The following GRIA2 variants were observed in gnomAD, a reference collection of about 807,000 sequenced individuals.
The protein encoded by GRIA2 is glutamate ionotropic receptor AMPA type subunit 2.
GRIA2 carries 14 observed loss-of-function variants against 97.3 expected under a neutral mutation model. The observed-to-expected ratio is 0.14, with a 90% CI of 0.10 to 0.23. The LOEUF is 0.23. GRIA2 is among the 10% of genes least tolerant of loss of function. The pLI is 1.00. For synonymous variants in GRIA2, 412 were observed against 387.8 expected (o/e 1.06, Z -0.73); for missense variants, 558 against 1,069.8 (o/e 0.52, Z 6.67).
chr4:157,261,045 A>C (rs1314729228), intron 2 of GRIA2, among the ~76,000 whole-genome samples: 1 of 152,128 alleles, frequency 6.6e-6, no homozygotes, highest in African/African-American at 2.4e-5. Context: ...GTATTAGTCC[A>C]TTCTCATGCT....
chr4:157,297,163 T>G (rs1313120609), intron 2 of GRIA2, among the ~76,000 whole-genome samples: 1 of 152,090 alleles, frequency 6.6e-6, no homozygotes, highest in African/African-American at 2.4e-5. Flanking sequence ...AAGGACCATA[T>G]TAAGGCAATG....
At chr4:157,348,676 A>C (rs1735870955) in intron 12 of GRIA2, among the ~76,000 whole-genome samples, 1 of 152,166 alleles carries the variant, frequency 6.6e-6, no homozygotes, top group Non-Finnish European at 1.5e-5. Flanking sequence ...TGTTTTATAG[A>C]TTTTAAAATT....
chr4:157,319,603 A>G (rs1020191709), intron 5 of GRIA2, among the ~76,000 whole-genome samples: 2 of 152,156 alleles, frequency 1.3e-5, no homozygotes. Flanking sequence ...TTTGGAGGAC[A>G]CTTGGAAATT....
intron 2 of GRIA2, among the ~76,000 whole-genome samples, chr4:157,295,110 T>A (rs1171440531): frequency 6.6e-6 from 1 of 152,142 alleles, no homozygotes; most frequent in Non-Finnish European, 1.5e-5. Flanking sequence ...AGATAATGAA[T>A]GAAGCCAGAA....
chr4:157,363,026 C>A lies in GRIA2; in HGVS notation c.2634C>A (p.Ile878=), dbSNP rs1736704814. The part of the protein sequence containing the change: ...TYKEGYNVYG[I]ESVKI The stretch of plus-strand genomic sequence containing the variant: ...AGGAAGGTTACAACGTATATGGCAT[C>A]GAAAGTGTTAAAATTTAGGGGGTAG... Residue 878 remains isoleucine (I), a synonymous_variant, in exon 15 of 16, where the codon ATC becomes ATA. Coordinates refer to ENST00000264426, the MANE Select transcript of GRIA2 (RefSeq NM_001083619.3). The A allele has an allele frequency of 6.2e-7, 1 of 1,611,500 alleles. No individual in the cohort carries two copies. The highest frequency in any genetic ancestry group is 8.5e-7 in the Non-Finnish European group (1 of 1,178,398).
intron 11 of GRIA2, 149 bp from the exon 12 acceptor site, chr4:157,341,115 T>A: frequency 1.6e-6 from 1 of 621,488 alleles, no homozygotes; most frequent in Non-Finnish European, 2.9e-6. Context: ...AAATGTTTAA[T>A]GATTTCCAGT....
intron 14 of GRIA2, 25 bp from the exon 15 acceptor site, chr4:157,362,774 A>G (rs1736690984): frequency 6.3e-7 from 1 of 1,593,388 alleles, no homozygotes; most frequent in Non-Finnish European, 8.5e-7. Context: ...CTTCCTAATA[A>G]CCTCTTCTCA....
At chr4:157,282,381 A>G (rs1050810320) in intron 2 of GRIA2, among the ~76,000 whole-genome samples, 1 of 151,948 alleles carries the variant, frequency 6.6e-6, no homozygotes, top group African/African-American at 2.4e-5. Flanking sequence ...AAGAAGTAGG[A>G]GTCTTAAAAG....
At chr4:157,313,790 T>C (rs1014017961) in intron 4 of GRIA2, among the ~76,000 whole-genome samples, 1 of 152,004 alleles carries the variant, frequency 6.6e-6, no homozygotes, top group African/African-American at 2.4e-5. Flanking sequence ...TATGTGCACA[T>C]ATATGTATTT....
intron 2 of GRIA2, among the ~76,000 whole-genome samples, chr4:157,295,629 T>A (rs552068849): frequency 1.3e-5 from 2 of 152,200 alleles, no homozygotes; most frequent in East Asian, 3.9e-4. Flanking sequence ...ATCCTTTCTG[T>A]CCATAGATAG....
At chr4:157,277,366 G>C (rs1007761183) in intron 2 of GRIA2, among the ~76,000 whole-genome samples, 8 of 151,784 alleles carry the variant, frequency 5.3e-5, no homozygotes, top group Non-Finnish European at 1.0e-4. Flanking sequence ...GCAAATTCAA[G>C]TTAGGAGAAA....
chr4:157,307,312 A>G (rs966415842), intron 3 of GRIA2, among the ~76,000 whole-genome samples: 29 of 152,218 alleles, frequency 1.9e-4, no homozygotes, highest in East Asian at 5.8e-4. Flanking sequence ...CCAAGAGACT[A>G]TATACCACTT....
At chr4:157,266,653 G>A (rs1731783506) in intron 2 of GRIA2, among the ~76,000 whole-genome samples, 1 of 152,068 alleles carries the variant, frequency 6.6e-6, no homozygotes, top group African/African-American at 2.4e-5. Context: ...TCAGGTGTGG[G>A]CCATGGACTT....
chr4:157,277,836 ATATATATATGTATATATG>A lies in GRIA2; in HGVS notation c.230-25670_230-25653del, dbSNP rs1174780566. Among the ~76,000 whole-genome samples the A allele has an allele frequency of 1.2e-3, 151 of 121,246 alleles. No individual in the cohort carries two copies. In the East Asian group the frequency reaches 0.018, roughly 14 times the overall value. The allele number at this position is 121,246 out of a possible 152,430, so 79.5% of individuals were successfully genotyped here. A position where few individuals can be genotyped will look rare whatever the true frequency, so the allele number is the denominator to read the frequency against. On this transcript the variant is annotated intron_variant, in intron 2 of 15. Coordinates refer to ENST00000264426, the MANE Select transcript of GRIA2 (RefSeq NM_001083619.3). Reference sequence around the variant, plus strand: ...ATGCTATATATATATGTATATATGTATATATATATGTATATATGTATATATATGTATATATGTATATAT... The same window carrying A: ...ATGCTATATATATATGTATATATGTATATATATATGTATATATGTATATAT...
chr4:157,294,005 A>G (rs1015826631), intron 2 of GRIA2, among the ~76,000 whole-genome samples: 1 of 152,138 alleles, frequency 6.6e-6, no homozygotes, highest in Non-Finnish European at 1.5e-5. Context: ...GTGTCCTTTG[A>G]AAATAAATGT....
intron 3 of GRIA2, among the ~76,000 whole-genome samples, chr4:157,306,335 G>C (rs1216175570): frequency 1.3e-5 from 2 of 152,068 alleles, no homozygotes; most frequent in Non-Finnish European, 2.9e-5. Flanking sequence ...TGTGAAGATG[G>C]ATGGACTTAC....
intron 4 of GRIA2, among the ~76,000 whole-genome samples, chr4:157,314,620 A>G (rs1471250337): frequency 1.3e-5 from 2 of 152,180 alleles, no homozygotes; most frequent in Admixed American, 6.5e-5. Flanking sequence ...TTAAGGATTC[A>G]TGACTCATCA....
chr4:157,264,395 A>G (rs1731677414), intron 2 of GRIA2, among the ~76,000 whole-genome samples: 1 of 151,956 alleles, frequency 6.6e-6, no homozygotes, highest in South Asian at 2.1e-4. Flanking sequence ...TTCCATCTCC[A>G]AATCCTGCAA....
Position 157,356,000 on chromosome 4 carries a change from T to A in GRIA2, c.2044-3896T>A, listed in dbSNP as rs1246164643. Among the ~76,000 whole-genome samples, 366 of 104,206 alleles carry A rather than the reference T, an allele frequency of 3.5e-3. 10 individuals carry two copies. Among genetic ancestry groups the A allele is most frequent in the African/African-American group, 0.013 (347 of 25,920 alleles). The allele number at this position is 104,206 out of a possible 152,430, so 68.4% of individuals were successfully genotyped here. On this transcript the variant is annotated intron_variant, in intron 12 of 15. Coordinates refer to ENST00000264426, the MANE Select transcript of GRIA2 (RefSeq NM_001083619.3). ...ATATATTTATATATTTATATATATTTATATATGTATTTATATATATTTATA... is the reference window on the plus strand; with the variant it reads ...ATATATTTATATATTTATATATATTAATATATGTATTTATATATATTTATA...
Sources: allele counts gnomAD v4.1 joint callset (sites outside exome capture counted in the v4.1 genomes callset), GRCh38; gene constraint gnomAD v4.1.1; transcripts MANE v1.5; gene names NCBI Gene and HGNC (gene_info 2026-07-23, HGNC 2026-07-21).